Variants in GRID2 observed in about 807,000 individuals in gnomAD.
The protein encoded by GRID2 is glutamate receptor ionotropic, delta-2.
A neutral mutation model predicts 114.8 loss-of-function variants in GRID2; 33 were observed. The ratio of observed to expected loss-of-function variants is 0.29; its 90% CI spans 0.22 to 0.38. GRID2 has a LOEUF of 0.38. GRID2 is among the 10% of genes least tolerant of loss of function. The pLI is 1.00. For missense variants in GRID2, 1,184 were observed against 1,257.7 expected (o/e 0.94, Z 0.89); for synonymous variants, 505 against 449.9 (o/e 1.12, Z -1.55).
chr4:93,071,673 C>T (rs1728815922), intron 2 of GRID2, among the ~76,000 whole-genome samples: 1 of 151,922 alleles, frequency 6.6e-6, no homozygotes, highest in African/African-American at 2.4e-5. Context: ...AACAGGGTAA[C>T]CAATGAGTGA....
At chr4:93,348,368 A>C (rs1466649651) in intron 8 of GRID2, among the ~76,000 whole-genome samples, 3 of 152,186 alleles carry the variant, frequency 2.0e-5, no homozygotes, top group African/African-American at 7.2e-5. Context: ...CTGAAAGTGA[A>C]ACATCAGTTT....
intron 13 of GRID2, among the ~76,000 whole-genome samples, chr4:93,577,782 G>A (rs143742437): frequency 3.9e-5 from 6 of 152,272 alleles, no homozygotes; most frequent in African/African-American, 1.2e-4. Context: ...TTTATAAAGC[G>A]TGCAAGTAGT....
At chr4:93,524,797 A>ATATATATATATATGTATGTATG (rs1560713421) in intron 13 of GRID2, among the ~76,000 whole-genome samples, 1 of 84,778 alleles carries the variant, frequency 1.2e-5, no homozygotes, top group Non-Finnish European at 2.2e-5. Context: ...ATATATATAT[A>ATATATATATATATGTATGTATG]TATATATATA....
At chr4:93,560,012 A>C (rs916588214) in intron 13 of GRID2, among the ~76,000 whole-genome samples, 25 of 152,006 alleles carry the variant, frequency 1.6e-4, no homozygotes, top group African/African-American at 6.0e-4. Context: ...CTCACTCATA[A>C]GTGGGAGCTG....
chr4:92,650,095 A>G (rs1411282802), intron 2 of GRID2, among the ~76,000 whole-genome samples: 1 of 152,056 alleles, frequency 6.6e-6, no homozygotes, highest in Non-Finnish European at 1.5e-5. Context: ...AATATCTATT[A>G]CATTTCATAA....
chr4:92,925,215 C>T (rs113840927), intron 2 of GRID2, among the ~76,000 whole-genome samples: 3 of 151,946 alleles, frequency 2.0e-5, no homozygotes, highest in South Asian at 2.1e-4. Flanking sequence ...TCTGGGTATT[C>T]CTTCTCTGTC....
At chr4:92,453,654 C>A (rs536122281) in intron 1 of GRID2, among the ~76,000 whole-genome samples, 1 of 152,014 alleles carries the variant, frequency 6.6e-6, no homozygotes, top group South Asian at 2.1e-4. Context: ...TAAAAAGATG[C>A]GTAATATTAC....
rs530161271 is a variant in GRID2 at position 92,808,650 on chromosome 4, A to G, written c.244+218364A>G. 7.2e-5 allele frequency among the ~76,000 whole-genome samples: 11 copies of G among 152,172 alleles called. No individual in the cohort carries two copies. In the East Asian group the frequency reaches 1.7e-3, roughly 24 times the overall value. ...ACCAGAGAACTGAACAACTGAATAA[A>G]CATCAGTGTACTGGAAATAACTGAA... On this transcript the variant is annotated intron_variant, in intron 2 of 15. Coordinates refer to ENST00000282020, the MANE Select transcript of GRID2 (RefSeq NM_001510.4).
At chr4:93,578,708 C>G (rs1736677147) in intron 13 of GRID2, among the ~76,000 whole-genome samples, 1 of 151,076 alleles carries the variant, frequency 6.6e-6, no homozygotes, top group South Asian at 2.1e-4. Flanking sequence ...ATTCTCCTGC[C>G]TCAGCCTCCC....
chr4:93,388,479 T>A (rs1040889280), intron 8 of GRID2, among the ~76,000 whole-genome samples: 1 of 152,096 alleles, frequency 6.6e-6, no homozygotes, highest in Non-Finnish European at 1.5e-5. Flanking sequence ...AATGTTTAAA[T>A]TTTCAAGGTA....
At chr4:93,069,044 G>T (rs1341012344) in intron 2 of GRID2, among the ~76,000 whole-genome samples, 2 of 151,772 alleles carry the variant, frequency 1.3e-5, no homozygotes, top group Admixed American at 1.3e-4. Flanking sequence ...CACTTTATGT[G>T]ACCAGATCTC....
At position 93,733,815 on chromosome 4, in the gene GRID2, C is replaced by T. The variant is rs545398286; in HGVS notation, c.2361-35395C>T. Among the ~76,000 whole-genome samples the T allele has an allele frequency of 7.0e-4, 106 of 152,154 alleles. 1 individual carries two copies. Among genetic ancestry groups the T allele is most frequent in the African/African-American group, 2.4e-3 (101 of 41,546 alleles). ...GTACATTTCATAAATGTAAATAATT[C>T]TCTCCCTCTAAGGTTTTCAGAACTA... On this transcript the variant is annotated intron_variant, in intron 14 of 15. Transcript: ENST00000282020.
At chr4:92,837,303 C>T (rs1578270551) in intron 2 of GRID2, among the ~76,000 whole-genome samples, 1 of 151,848 alleles carries the variant, frequency 6.6e-6, no homozygotes, top group African/African-American at 2.4e-5. Context: ...GGAACTCAAA[C>T]AAATACAAGT....
intron 2 of GRID2, among the ~76,000 whole-genome samples, chr4:93,030,983 T>C (rs1319509350): frequency 1.3e-5 from 2 of 151,396 alleles, no homozygotes; most frequent in Non-Finnish European, 2.9e-5. Flanking sequence ...GAAATTTTAA[T>C]GACTATTAAA....
chr4:93,670,282 T>C (rs1021262657), intron 14 of GRID2, among the ~76,000 whole-genome samples: 4 of 152,206 alleles, frequency 2.6e-5, no homozygotes, highest in African/African-American at 9.7e-5. Flanking sequence ...TGCAGTAAGC[T>C]AAACTTAAGA....
intron 2 of GRID2, among the ~76,000 whole-genome samples, chr4:92,653,331 GTGTGTGTGTGTGTGTGTT>G (rs1357101670): frequency 6.7e-6 from 1 of 148,810 alleles, no homozygotes; most frequent in Non-Finnish European, 1.5e-5. Flanking sequence ...ATGTGTCTGT[GTGTGTGTGTGTGTGTGTT>G]TGTGTGTTTG....
intron 2 of GRID2, among the ~76,000 whole-genome samples, chr4:92,777,973 A>G (rs1738889814): frequency 6.6e-6 from 1 of 152,068 alleles, no homozygotes; most frequent in Admixed American, 6.6e-5. Flanking sequence ...CCCCCATGCA[A>G]ATGTGTAGAG....
chr4:93,353,765 GCTA>G (rs1388204142), intron 8 of GRID2, among the ~76,000 whole-genome samples: 1 of 152,018 alleles, frequency 6.6e-6, no homozygotes, highest in Non-Finnish European at 1.5e-5. Flanking sequence ...AGGAAACTCT[GCTA>G]CTTGGGGCTG....
At chr4:93,060,837 T>G (rs1039805213) in intron 2 of GRID2, among the ~76,000 whole-genome samples, 2 of 152,040 alleles carry the variant, frequency 1.3e-5, no homozygotes, top group African/African-American at 4.8e-5. Flanking sequence ...GTGTGGTGGC[T>G]CCCACCTATA....
Sources: allele counts gnomAD v4.1 joint callset (sites outside exome capture counted in the v4.1 genomes callset), GRCh38; gene constraint gnomAD v4.1.1; transcripts MANE v1.5; gene names NCBI Gene and HGNC (gene_info 2026-07-23, HGNC 2026-07-21).